CNTNAP5: variants seen among roughly 807,000 people sequenced by gnomAD.
CNTNAP5 encodes the protein contactin-associated protein-like 5.
Under a neutral mutation model 150.2 loss-of-function variants are expected in CNTNAP5, and 72 were observed. The observed-to-expected ratio is 0.48, with a 90% CI of 0.40 to 0.58. CNTNAP5 has a LOEUF of 0.58. Among genes scored for constraint, CNTNAP5 ranks in the 20% least tolerant of loss-of-function variants. The pLI is 0.00. For missense variants in CNTNAP5, 1,636 were observed against 1,626.2 expected (o/e 1.01, Z -0.10); for synonymous variants, 672 against 619.8 (o/e 1.08, Z -1.25).
At chr2:124,575,365 C>T (rs1283098518) in intron 11 of CNTNAP5, among the ~76,000 whole-genome samples, 2 of 152,152 alleles carry the variant, frequency 1.3e-5, no homozygotes, top group East Asian at 3.9e-4. Context: ...TAGTGGCTCT[C>T]TATAATCTTA....
At position 124,543,063 on chromosome 2, in the gene CNTNAP5, G is replaced by A. The variant is rs75269646; in HGVS notation, c.1649+15607G>A. Among the ~76,000 whole-genome samples, 1,087 of 152,166 alleles carry A rather than the reference G, an allele frequency of 7.1e-3. 9 individuals carry two copies. Among genetic ancestry groups the A allele is most frequent in the African/African-American group, 0.024 (994 of 41,500 alleles). ...TTGAAAACTTCCCAATGTGGTTCAC[G>A]CCAAATACTGCTCTATTTGAATAGC... On this transcript the variant is annotated intron_variant, in intron 10 of 23. Coordinates refer to ENST00000682447, the MANE Select transcript of CNTNAP5 (RefSeq NM_001367498.1).
Position 124,920,435 on chromosome 2 carries a change from A to C in CNTNAP5, c.*6147A>C, listed in dbSNP as rs1013942044. Among the ~76,000 whole-genome samples, 3 of 152,136 alleles carry C rather than the reference A, an allele frequency of 2.0e-5. No homozygotes were observed. Among genetic ancestry groups the C allele is most frequent in the Non-Finnish European group, 2.9e-5 (2 of 68,006 alleles). On this transcript the variant is annotated 3_prime_UTR_variant, in exon 24 of 24. Coordinates refer to ENST00000682447, the MANE Select transcript of CNTNAP5 (RefSeq NM_001367498.1). ...TTTACATGAAATATTCACCTAGTCT[A>C]TTCTCTTTGAAAGGTAGTATCAACC...
intron 12 of CNTNAP5, among the ~76,000 whole-genome samples, chr2:124,614,791 A>G (rs1573498006): frequency 6.6e-6 from 1 of 152,036 alleles, no homozygotes; most frequent in East Asian, 1.9e-4. Context: ...ATCTTGTGCC[A>G]CCCTCCTATC....
At chr2:124,696,292 A>G (rs1198370926) in intron 13 of CNTNAP5, among the ~76,000 whole-genome samples, 1 of 152,212 alleles carries the variant, frequency 6.6e-6, no homozygotes, top group Non-Finnish European at 1.5e-5. Flanking sequence ...GAAACAATGC[A>G]GTGATATTTT....
chr2:124,771,737 C>T (rs142855429), intron 16 of CNTNAP5, among the ~76,000 whole-genome samples: 232 of 151,410 alleles, frequency 1.5e-3, no homozygotes, highest in African/African-American at 5.4e-3. Flanking sequence ...TCACCACCAC[C>T]GTTACCACCA....
intron 1 of CNTNAP5, among the ~76,000 whole-genome samples, chr2:124,175,071 A>G (rs1685027669): frequency 1.3e-5 from 2 of 152,238 alleles, no homozygotes; most frequent in African/African-American, 4.8e-5. Context: ...AATAAACTAT[A>G]GTGCAAACAA....
chr2:124,253,597 T>G (rs1687239622), intron 3 of CNTNAP5, among the ~76,000 whole-genome samples: 1 of 152,122 alleles, frequency 6.6e-6, no homozygotes, highest in Admixed American at 6.6e-5. Flanking sequence ...CATATGAAGA[T>G]TTGTTGAGAG....
intron 11 of CNTNAP5, among the ~76,000 whole-genome samples, chr2:124,563,613 C>T (rs997212893): frequency 7.2e-5 from 11 of 152,098 alleles, no homozygotes; most frequent in African/African-American, 2.7e-4. Flanking sequence ...GCTGTAGGCA[C>T]ACAAGAGGGA....
intron 20 of CNTNAP5, among the ~76,000 whole-genome samples, chr2:124,867,852 T>C (rs374304598): frequency 6.6e-6 from 1 of 152,208 alleles, no homozygotes; most frequent in Non-Finnish European, 1.5e-5. Context: ...CATATCTATA[T>C]GAATATCCGT....
At chr2:124,193,138 T>G (rs1343707878) in intron 1 of CNTNAP5, among the ~76,000 whole-genome samples, 1 of 152,108 alleles carries the variant, frequency 6.6e-6, no homozygotes, top group African/African-American at 2.4e-5. Context: ...TTCTCTCTTC[T>G]TATAAGGACA....
At chr2:124,587,050 A>G (rs4364025) in intron 11 of CNTNAP5, among the ~76,000 whole-genome samples, 75,351 of 151,888 alleles carry the variant, frequency 0.5, 19,141 homozygotes, top group East Asian at 0.72. Context: ...GTAAAAATGA[A>G]GCTCAACCCT....
At chr2:124,782,981 G>A (rs1273049108) in intron 17 of CNTNAP5, among the ~76,000 whole-genome samples, 2 of 152,056 alleles carry the variant, frequency 1.3e-5, no homozygotes, top group Admixed American at 1.3e-4. Context: ...TATTAATATG[G>A]ACAAATGTCA....
chr2:124,260,931 CTG>C (rs1687437519), intron 3 of CNTNAP5, among the ~76,000 whole-genome samples: 1 of 152,126 alleles, frequency 6.6e-6, no homozygotes, highest in Non-Finnish European at 1.5e-5. Flanking sequence ...TGAAAAATGA[CTG>C]TATTTACCAA....
intron 3 of CNTNAP5, among the ~76,000 whole-genome samples, chr2:124,355,843 G>A (rs1039764862): frequency 1.3e-5 from 2 of 152,086 alleles, no homozygotes; most frequent in African/African-American, 2.4e-5. Context: ...GAGGAAGGAG[G>A]CCATTTCTAT....
intron 11 of CNTNAP5, among the ~76,000 whole-genome samples, chr2:124,601,600 C>T (rs960165875): frequency 2.8e-4 from 43 of 152,238 alleles, no homozygotes; most frequent in African/African-American, 1.0e-3. Context: ...ATCAAAGGTA[C>T]TGTAATATGA....
chr2:124,598,999 G>A lies in CNTNAP5; in HGVS notation c.1757-10802G>A, dbSNP rs7607625. ...GTGAGGCAATGCCTCGCCCTGCTTC[G>A]GCTCACGCACGGTGCGCACACCCAC... On this transcript the variant is annotated intron_variant, in intron 11 of 23. Transcript: ENST00000682447. Among the ~76,000 whole-genome samples, 1,374 of 152,058 alleles carry A rather than the reference G, an allele frequency of 9.0e-3. 24 individuals are homozygous for A. The highest frequency in any genetic ancestry group is 0.03 in the African/African-American group (1,252 of 41,492).
intron 11 of CNTNAP5, among the ~76,000 whole-genome samples, chr2:124,608,142 C>T (rs1378442142): frequency 6.6e-6 from 1 of 152,118 alleles, no homozygotes. Context: ...ACATTAGTCA[C>T]AAGGGGCAGG....
intron 3 of CNTNAP5, among the ~76,000 whole-genome samples, chr2:124,343,015 T>G (rs1252175402): frequency 6.6e-6 from 1 of 152,172 alleles, no homozygotes; most frequent in Non-Finnish European, 1.5e-5. Context: ...ATATACTTCC[T>G]TGAAGAAACA....
chr2:124,802,758 TTACCATGTGGCAGA>T (rs1264794735), intron 19 of CNTNAP5, among the ~76,000 whole-genome samples: 6 of 152,132 alleles, frequency 3.9e-5, no homozygotes. Context: ...CATGGGGCAC[TTACCATGTGGCAGA>T]TACTAGCTCA....
Sources: gnomAD v4.1 joint callset for allele counts (sites outside exome capture counted in the v4.1 genomes callset) on GRCh38, gnomAD v4.1.1 for gene constraint, MANE v1.5 for transcripts, NCBI Gene and HGNC (gene_info 2026-07-23, HGNC 2026-07-21) for gene names.